The following NR3C2 variants were observed in gnomAD, a reference collection of about 807,000 sequenced individuals.
The protein encoded by NR3C2 is nuclear receptor subfamily 3 group C member 2.
A neutral mutation model predicts 86.4 loss-of-function variants in NR3C2; 15 were observed. The observed-to-expected ratio is 0.17, with a 90% CI of 0.12 to 0.27. The LOEUF (loss-of-function observed/expected upper bound fraction) is 0.27, where lower values mean the gene tolerates loss of function less well. Ranked by LOEUF, NR3C2 falls within the 10% of genes least tolerant of loss-of-function variation. The pLI, the probability that NR3C2 is intolerant of heterozygous loss-of-function variation, is 1.00. For missense variants in NR3C2, 960 were observed against 1,195.6 expected, an observed-to-expected ratio of 0.80 and a Z score of 2.91; for synonymous variants, 458 against 450.5, an observed-to-expected ratio of 1.02 and a Z score of -0.21.
At chr4:148,425,626 C>T (rs919540139) in intron 2 of NR3C2, among the ~76,000 whole-genome samples, 1 of 152,172 alleles carries the variant, frequency 6.6e-6, no homozygotes, top group Non-Finnish European at 1.5e-5. Flanking sequence ...CTAAATATAG[C>T]AATCAGGGGC....
chr4:148,160,307 A>T (rs578071902), intron 4 of NR3C2, among the ~76,000 whole-genome samples: 1 of 152,324 alleles, frequency 6.6e-6, no homozygotes, highest in South Asian at 2.1e-4. Context: ...GTGGGACTCT[A>T]TTAAAACTGT....
chr4:148,198,362 G>A lies in NR3C2; in HGVS notation c.1898-3500C>T, dbSNP rs141027963. Among the ~76,000 whole-genome samples, 748 of 152,218 alleles carry A rather than the reference G, an allele frequency of 4.9e-3. 13 individuals carry two copies. The highest frequency in any genetic ancestry group is 0.017 in the African/African-American group (722 of 41,544). On this transcript the variant is annotated intron_variant, in intron 3 of 8. Coordinates refer to ENST00000358102, the MANE Select transcript of NR3C2 (RefSeq NM_000901.5). ...TTTTGAAATCAAGAAGCAACTTTTT[G>A]TTATACTTGGCCTGGTCCCAACTGA... is the stretch of plus-strand genomic sequence containing the variant.
At chr4:148,132,064 T>C (rs1260616613) in intron 6 of NR3C2, among the ~76,000 whole-genome samples, 5 of 152,226 alleles carry the variant, frequency 3.3e-5, no homozygotes, top group African/African-American at 1.2e-4. Flanking sequence ...ACAGTAGTTT[T>C]TAAAATAACT....
chr4:148,155,628 A>G (rs1455018337), intron 4 of NR3C2, among the ~76,000 whole-genome samples: 3 of 152,052 alleles, frequency 2.0e-5, no homozygotes, highest in Non-Finnish European at 4.4e-5. Context: ...AAACAAATGG[A>G]AGAACATTCC....
chr4:148,231,603 G>A (rs545805134), intron 3 of NR3C2, among the ~76,000 whole-genome samples: 26 of 152,190 alleles, frequency 1.7e-4, no homozygotes, highest in Non-Finnish European at 3.7e-4. Flanking sequence ...TTGCCTCGAT[G>A]TTGATGGCTG....
intron 2 of NR3C2, among the ~76,000 whole-genome samples, chr4:148,280,391 G>A (rs942393203): frequency 6.6e-5 from 10 of 152,072 alleles, no homozygotes; most frequent in African/African-American, 2.2e-4. Flanking sequence ...AAGCAATACC[G>A]AAAAGAATGT....
intron 2 of NR3C2, among the ~76,000 whole-genome samples, chr4:148,274,386 C>T (rs1468203186): frequency 1.3e-5 from 2 of 152,158 alleles, no homozygotes; most frequent in African/African-American, 2.4e-5. Flanking sequence ...CTGTGCCCCA[C>T]CCAAATCTCA....
chr4:148,356,022 G>C (rs1233693002), intron 2 of NR3C2, among the ~76,000 whole-genome samples: 2 of 152,066 alleles, frequency 1.3e-5, no homozygotes, highest in African/African-American at 4.8e-5. Context: ...TCTAACAAGT[G>C]GCAAGTGTTT....
In NR3C2 at chr4:148,168,009, G is replaced by A. The variant is rs72653833; in HGVS notation, c.2015-13108C>T. Among the ~76,000 whole-genome samples, 762 of 152,296 alleles carry A rather than the reference G, an allele frequency of 5.0e-3. 3 individuals carry two copies. The highest frequency in any genetic ancestry group is 0.017 in the African/African-American group (693 of 41,544). On this transcript the variant is annotated intron_variant, in intron 4 of 8. Coordinates refer to ENST00000358102, the MANE Select transcript of NR3C2 (RefSeq NM_000901.5). ...CTGGCTGGGCAGCAAACAAGCAGGCGGTCCTGCCACTTCTAACCTTGAGAG... is the reference window on the plus strand; with the variant it reads ...CTGGCTGGGCAGCAAACAAGCAGGCAGTCCTGCCACTTCTAACCTTGAGAG...
intron 3 of NR3C2, among the ~76,000 whole-genome samples, chr4:148,226,978 T>C (rs533154520): frequency 6.6e-6 from 1 of 152,286 alleles, no homozygotes; most frequent in South Asian, 2.1e-4. Context: ...GTACATAAAG[T>C]TCCTGTATAA....
intron 5 of NR3C2, among the ~76,000 whole-genome samples, chr4:148,153,911 G>A (rs1357204278): frequency 6.6e-6 from 1 of 151,976 alleles, no homozygotes; most frequent in Admixed American, 6.6e-5. Flanking sequence ...CTCAACTTGT[G>A]ATTTCATGAA....
rs772185247 is a variant in NR3C2 at position 148,131,023 on chromosome 4, G to A, written c.2511-10735C>T. On this transcript the variant is annotated intron_variant, in intron 6 of 8. Coordinates refer to ENST00000358102, the MANE Select transcript of NR3C2 (RefSeq NM_000901.5). Reference sequence around the variant, plus strand: ...TTTTTTTTGTATTTTTAGTAGAGACGGGGTTTCACTGTGTTAGCTAGGATG... The same window carrying A: ...TTTTTTTTGTATTTTTAGTAGAGACAGGGTTTCACTGTGTTAGCTAGGATG... 6.5e-4 allele frequency among the ~76,000 whole-genome samples: 98 copies of A among 151,832 alleles called. 1 individual carries two copies. The highest frequency in any genetic ancestry group is 9.9e-4 in the Non-Finnish European group (67 of 67,942).
At chr4:148,283,076 A>G (rs540022667) in intron 2 of NR3C2, among the ~76,000 whole-genome samples, 1 of 152,358 alleles carries the variant, frequency 6.6e-6, no homozygotes, top group East Asian at 1.9e-4. Flanking sequence ...TCTGTGTGTT[A>G]TAAGTGCAAA....
intron 4 of NR3C2, among the ~76,000 whole-genome samples, chr4:148,186,986 GTGTATGTATGTATA>G (rs1212121584): frequency 0.035 from 3,570 of 101,044 alleles, 310 homozygotes; most frequent in Middle Eastern, 0.088. Context: ...ATACTGATGT[GTGTATGTATGTATA>G]TATATATATA....
chr4:148,221,456 C>G (rs529123214), intron 3 of NR3C2, among the ~76,000 whole-genome samples: 1 of 152,152 alleles, frequency 6.6e-6, no homozygotes, highest in Non-Finnish European at 1.5e-5. Flanking sequence ...AAACGAAGCA[C>G]TAGATTGAAT....
chr4:148,162,325 C>A (rs1024919136), intron 4 of NR3C2, among the ~76,000 whole-genome samples: 8 of 152,268 alleles, frequency 5.3e-5, no homozygotes, highest in South Asian at 4.1e-4. Flanking sequence ...AGATGGTGAG[C>A]ATGATTACTT....
intron 2 of NR3C2, among the ~76,000 whole-genome samples, chr4:148,323,527 C>A (rs568281079): frequency 2.7e-5 from 4 of 146,638 alleles, no homozygotes; most frequent in African/African-American, 7.6e-5. Flanking sequence ...TAGCAATCAG[C>A]GAGACTCCGT....
intron 2 of NR3C2, among the ~76,000 whole-genome samples, chr4:148,366,520 G>GA (rs1320005696): frequency 1.5e-3 from 3 of 2,034 alleles, no homozygotes; most frequent in African/African-American, 4.8e-3. Context: ...TTCTAGAAGG[G>GA]AAAAAATAAT....
intron 2 of NR3C2, among the ~76,000 whole-genome samples, chr4:148,366,622 C>T (rs1746157628): frequency 6.6e-6 from 1 of 151,958 alleles, no homozygotes; most frequent in African/African-American, 2.4e-5. Context: ...AACAACATGT[C>T]TCTATTCTCT....
Sources: gnomAD v4.1 joint callset for allele counts (sites outside exome capture counted in the v4.1 genomes callset) on GRCh38, gnomAD v4.1.1 for gene constraint, MANE v1.5 for transcripts, NCBI Gene and HGNC (gene_info 2026-07-23, HGNC 2026-07-21) for gene names.